The following GON4L variants were observed in gnomAD, a reference collection of about 807,000 sequenced individuals.
GON4L encodes the protein gon-4 like.
A neutral mutation model predicts 211.8 loss-of-function variants in GON4L; 87 were observed. That is an observed-to-expected ratio of 0.41 (90% CI 0.35 to 0.49). The LOEUF (loss-of-function observed/expected upper bound fraction) is 0.49, where lower values mean the gene tolerates loss of function less well. Among genes scored for constraint, GON4L ranks in the 20% least tolerant of loss-of-function variants. The pLI is 0.15. For missense variants in GON4L, 2,155 were observed against 2,659.5 expected (o/e 0.81, Z 4.17); for synonymous variants, 875 against 962.6 (o/e 0.91, Z 1.68).
At chr1:155,848,130 G>A (rs1166013172) in intron 2 of GON4L, among the ~76,000 whole-genome samples, 1 of 151,826 alleles carries the variant, frequency 6.6e-6, no homozygotes, top group Non-Finnish European at 1.5e-5. Context: ...GTGTCTATGG[G>A]GCAGCCATTT....
At position 155,853,611 on chromosome 1, in the gene GON4L, G is replaced by A; in HGVS notation, c.170C>T (p.Ala57Val). Residue 57 changes from alanine (A) to valine (V), a missense_variant, in exon 2 of 32, where the codon GCT (alanine) becomes GTT (valine). By Grantham distance (64) the Ala-to-Val change is moderately conservative. Transcript: ENST00000368331. The part of the protein sequence containing the change: ...LSWDPSHGRV[A>V]GFEVQSLQDA... The stretch of plus-strand genomic sequence containing the variant: ...CTGCAAAGACTGTACTTCGAAGCCA[G>A]CTACTCTGCCATGACTTGGATCCCA... 6.2e-7 allele frequency: 1 copy of A among 1,614,120 alleles called. No homozygotes were observed. Among genetic ancestry groups the A allele is most frequent in the Middle Eastern group, 1.7e-4 (1 of 6,060 alleles).
chr1:155,845,516 C>T, intron 2 of GON4L: 1 of 338,254 alleles, frequency 3.0e-6, no homozygotes, highest in Admixed American at 3.4e-5. Flanking sequence ...AATGAAAGTA[C>T]TTGATGTATC....
chr1:155,748,111 C>T, downstream of GON4L: 2 of 1,605,414 alleles, frequency 1.2e-6, no homozygotes, highest in Non-Finnish European at 1.7e-6. Context: ...GTCAACTTCC[C>T]TTACCTGCAT....
At chr1:155,848,315 G>A (rs756259440) in intron 2 of GON4L, among the ~76,000 whole-genome samples, 38 of 152,110 alleles carry the variant, frequency 2.5e-4, no homozygotes, top group Non-Finnish European at 3.7e-4. Context: ...TCCCTATGAA[G>A]GCATGCATCA....
chr1:155,853,620 C>T lies in GON4L; in HGVS notation c.161G>A (p.Gly54Asp), dbSNP rs773763581. 2.0e-5 allele frequency: 33 copies of T among 1,614,018 alleles called. No homozygotes were observed. The highest frequency in any genetic ancestry group is 4.0e-5 in the African/African-American group (3 of 74,932). ...SVSLSWDPSH[G>D]RVAGFEVQSL... ...CTGTACTTCGAAGCCAGCTACTCTGCCATGACTTGGATCCCAGGATAGTGA... is the reference window on the plus strand; with the variant it reads ...CTGTACTTCGAAGCCAGCTACTCTGTCATGACTTGGATCCCAGGATAGTGA... Residue 54 changes from glycine (G) to aspartate (D), a missense_variant, in exon 2 of 32, where the codon GGC becomes GAC. By Grantham distance (94) the Gly-to-Asp change is moderately conservative. This residue lies in a region of GON4L where 313 missense variants were observed against 293.2 expected (regional missense o/e 1.07). Coordinates refer to ENST00000368331, the MANE Select transcript of GON4L (RefSeq NM_001282860.2).
intron 3 of GON4L, among the ~76,000 whole-genome samples, 173 bp from the exon 4 acceptor site, chr1:155,822,649 G>T (rs922024131): frequency 2.0e-5 from 3 of 152,152 alleles, no homozygotes; most frequent in Non-Finnish European, 4.4e-5. Context: ...CATTTGCATA[G>T]AAGATGCAAA....
downstream of GON4L, chr1:155,747,817 C>T (rs112737969): frequency 3.0e-5 from 48 of 1,605,034 alleles, no homozygotes; most frequent in East Asian, 1.6e-4. Flanking sequence ...GGCGCGAAGG[C>T]GGCAGAGCTG....
chr1:155,850,357 T>C (rs1557933513), intron 2 of GON4L, among the ~76,000 whole-genome samples: 1 of 152,210 alleles, frequency 6.6e-6, no homozygotes, highest in Non-Finnish European at 1.5e-5. Flanking sequence ...GCTATTCCTG[T>C]CTACATTTCC....
At chr1:155,834,679 T>C (rs1306681199) in intron 2 of GON4L, among the ~76,000 whole-genome samples, 1 of 152,144 alleles carries the variant, frequency 6.6e-6, no homozygotes, top group Admixed American at 6.5e-5. Flanking sequence ...ATCTGCATGC[T>C]AAAAGAACCT....
rs1292887031 is a variant in GON4L at position 155,815,995 on chromosome 1, A to C, written c.1066-95T>G. ...GGAAGAAGCAGGGCAGAAAAAAAAAAAATCCTAAGAGCATAATGTACAGCT... is the reference window on the plus strand; with the variant it reads ...GGAAGAAGCAGGGCAGAAAAAAAAACAATCCTAAGAGCATAATGTACAGCT... On this transcript the variant is annotated intron_variant, in intron 7 of 31. Coordinates refer to ENST00000368331, the MANE Select transcript of GON4L (RefSeq NM_001282860.2). The C allele has an allele frequency of 7.5e-6, 6 of 800,062 alleles. No individual in the cohort carries two copies. In the African/African-American group the frequency reaches 1.0e-4, roughly 14 times the overall value. The allele number at this position is 800,062 out of a possible 1,614,324, so 49.6% of individuals were successfully genotyped here.
intron 2 of GON4L, among the ~76,000 whole-genome samples, chr1:155,842,192 GAA>G (rs1670829514): frequency 6.6e-6 from 1 of 152,036 alleles, no homozygotes; most frequent in Non-Finnish European, 1.5e-5. Context: ...TCCCACAAAG[GAA>G]AAGATTGTTC....
chr1:155,781,830 C>G (rs553586788), intron 14 of GON4L, among the ~76,000 whole-genome samples: 4 of 152,204 alleles, frequency 2.6e-5, no homozygotes, highest in Non-Finnish European at 5.9e-5. Flanking sequence ...AATCTCAGCT[C>G]AGTGCAACCT....
intron 3 of GON4L, among the ~76,000 whole-genome samples, chr1:155,823,851 C>G (rs1027877796): frequency 6.6e-6 from 1 of 152,032 alleles, no homozygotes; most frequent in Non-Finnish European, 1.5e-5. Flanking sequence ...CGAGATCACA[C>G]CACTGCACTC....
chr1:155,763,656 A>C, intron 21 of GON4L, 92 bp from the exon 22 acceptor site: 1 of 1,128,030 alleles, frequency 8.9e-7, no homozygotes, highest in Admixed American at 2.7e-5. Flanking sequence ...TCTGAAGTTA[A>C]ACAATGGGGA....
chr1:155,800,154 G>A (rs1413250162), intron 11 of GON4L, among the ~76,000 whole-genome samples: 2 of 151,806 alleles, frequency 1.3e-5, no homozygotes, highest in Non-Finnish European at 2.9e-5. Flanking sequence ...AGCTGAGATC[G>A]TGCCATTGCA....
intron 2 of GON4L, among the ~76,000 whole-genome samples, chr1:155,853,042 G>T (rs1235782321): frequency 2.0e-5 from 3 of 152,084 alleles, no homozygotes; most frequent in Non-Finnish European, 4.4e-5. Flanking sequence ...AACCCAGGAG[G>T]TGGAGGCTGC....
At chr1:155,774,948 C>A (rs752807247) in intron 17 of GON4L, 54 bp downstream of exon 17, 1 of 1,602,492 alleles carries the variant, frequency 6.2e-7, no homozygotes, top group South Asian at 1.1e-5. Context: ...GGATAAGATT[C>A]CCACCACCTC....
intron 10 of GON4L, among the ~76,000 whole-genome samples, chr1:155,812,052 G>GA (rs567718060): frequency 1.1e-4 from 17 of 148,254 alleles, no homozygotes; most frequent in Non-Finnish European, 1.6e-4. Context: ...CTCCATCTAG[G>GA]AAAAAAAAAC....
intron 10 of GON4L, among the ~76,000 whole-genome samples, chr1:155,808,037 A>ATT (rs1387095812): frequency 1.5e-4 from 22 of 151,188 alleles, no homozygotes; most frequent in African/African-American, 5.4e-4. Flanking sequence ...TTTCTTATTT[A>ATT]TTTATTTTTT....
Sources: allele counts gnomAD v4.1 joint callset (sites outside exome capture counted in the v4.1 genomes callset), GRCh38; gene constraint gnomAD v4.1.1; regional missense constraint gnomAD v4.1.1; transcripts MANE v1.5; gene names NCBI Gene and HGNC (gene_info 2026-07-23, HGNC 2026-07-21).